NRXN3: variants seen among roughly 807,000 people sequenced by gnomAD.
The protein encoded by NRXN3 is neurexin 3.
Under a neutral mutation model 137.6 loss-of-function variants are expected in NRXN3, and 32 were observed. The ratio of observed to expected loss-of-function variants is 0.23; its 90% confidence interval spans 0.18 to 0.31. The LOEUF (loss-of-function observed/expected upper bound fraction) is 0.31. Ranked by LOEUF, NRXN3 falls within the 10% of genes least tolerant of loss-of-function variation. The pLI is 1.00. For synonymous variants in NRXN3, 798 were observed against 784.5 expected (o/e 1.02, Z -0.29); for missense variants, 1,574 against 2,062.5 (o/e 0.76, Z 4.59).
chr14:79,124,080 A>C (rs1387273509), intron 15 of NRXN3, among the ~76,000 whole-genome samples: 2 of 152,190 alleles, frequency 1.3e-5, no homozygotes, highest in Admixed American at 1.3e-4. Flanking sequence ...ACTTCTGCTC[A>C]CAGCTCTAAT....
chr14:78,837,396 T>C (rs2099000109), intron 10 of NRXN3, among the ~76,000 whole-genome samples: 1 of 152,146 alleles, frequency 6.6e-6, no homozygotes, highest in African/African-American at 2.4e-5. Context: ...GTGGCCACTT[T>C]GGGCCTGGTG....
At chr14:78,794,232 A>C (rs567756546) in intron 8 of NRXN3, among the ~76,000 whole-genome samples, 1 of 152,182 alleles carries the variant, frequency 6.6e-6, no homozygotes, top group East Asian at 1.9e-4. Context: ...AAATACAAAA[A>C]TTAGCCGGGT....
intron 10 of NRXN3, among the ~76,000 whole-genome samples, chr14:78,873,939 G>T (rs2099107395): frequency 6.6e-6 from 1 of 151,568 alleles, no homozygotes; most frequent in Non-Finnish European, 1.5e-5. Flanking sequence ...CTGTAGTCAA[G>T]ATCATAGGCA....
intron 15 of NRXN3, among the ~76,000 whole-genome samples, chr14:79,150,498 T>G (rs1460409634): frequency 6.6e-6 from 1 of 151,678 alleles, no homozygotes; most frequent in Non-Finnish European, 1.5e-5. Context: ...CAAACAGAGA[T>G]CTGCAGAGAA....
At chr14:79,390,011 A>G (rs2094787666) in intron 15 of NRXN3, among the ~76,000 whole-genome samples, 1 of 152,210 alleles carries the variant, frequency 6.6e-6, no homozygotes, top group Non-Finnish European at 1.5e-5. Flanking sequence ...AGATACAGGT[A>G]ATTTAAAAAA....
chr14:78,627,729 G>A (rs2097480775), intron 4 of NRXN3, among the ~76,000 whole-genome samples: 1 of 152,152 alleles, frequency 6.6e-6, no homozygotes, highest in South Asian at 2.1e-4. Context: ...TAATTACTTT[G>A]GGAAAGCATG....
chr14:79,198,514 G>A (rs2065447338), intron 15 of NRXN3, among the ~76,000 whole-genome samples: 1 of 152,192 alleles, frequency 6.6e-6, no homozygotes, highest in African/African-American at 2.4e-5. Flanking sequence ...TCATTAGACA[G>A]CTATGCCACA....
chr14:79,854,232 A>C, intron 20 of NRXN3: 1 of 811,100 alleles, frequency 1.2e-6, no homozygotes, highest in Non-Finnish European at 1.5e-6. Context: ...GTTGACTATA[A>C]ATTAATATGG....
intron 16 of NRXN3, among the ~76,000 whole-genome samples, chr14:79,542,081 G>A (rs1207109557): frequency 6.6e-6 from 1 of 152,210 alleles, no homozygotes; most frequent in Non-Finnish European, 1.5e-5. Flanking sequence ...TTTTGTGGGT[G>A]AAGCAGTGAC....
chr14:78,224,254 C>A (rs939723497), intron 1 of NRXN3, among the ~76,000 whole-genome samples: 11 of 151,542 alleles, frequency 7.3e-5, no homozygotes, highest in Non-Finnish European at 4.4e-5. Flanking sequence ...CATTGTCATA[C>A]CTACATTTAC....
intron 1 of NRXN3, among the ~76,000 whole-genome samples, chr14:78,197,256 A>G (rs2061315457): frequency 6.6e-6 from 1 of 152,226 alleles, no homozygotes; most frequent in African/African-American, 2.4e-5. Context: ...GGAGGCTGTC[A>G]CTGCTTTTAG....
chr14:79,562,976 C>A (rs2097514039), intron 16 of NRXN3, among the ~76,000 whole-genome samples: 1 of 152,074 alleles, frequency 6.6e-6, no homozygotes, highest in Admixed American at 6.6e-5. Context: ...CTATGGTAAT[C>A]CACAATAGAT....
At chr14:79,315,469 C>T (rs943787238) in intron 15 of NRXN3, among the ~76,000 whole-genome samples, 12 of 152,072 alleles carry the variant, frequency 7.9e-5, no homozygotes, top group African/African-American at 2.4e-4. Flanking sequence ...TTTACAGAAA[C>T]GTGGTTTGGT....
At chr14:79,193,057 C>T (rs1012678901) in intron 15 of NRXN3, among the ~76,000 whole-genome samples, 9 of 151,916 alleles carry the variant, frequency 5.9e-5, no homozygotes, top group Non-Finnish European at 1.0e-4. Context: ...GCGTGAGCCA[C>T]CACGCCTGGC....
At chr14:78,685,222 C>T (rs910501802) in intron 6 of NRXN3, among the ~76,000 whole-genome samples, 2 of 152,180 alleles carry the variant, frequency 1.3e-5, no homozygotes, top group African/African-American at 4.8e-5. Flanking sequence ...TTTCTAAATG[C>T]TTTCTCTGTT....
At chr14:79,466,554 C>T (rs1455207703) in intron 15 of NRXN3, among the ~76,000 whole-genome samples, 1 of 152,128 alleles carries the variant, frequency 6.6e-6, no homozygotes, top group Non-Finnish European at 1.5e-5. Flanking sequence ...CGCCACTGCA[C>T]TCCAGCCTGG....
chr14:78,278,777 C>A, intron 3 of NRXN3, 115 bp downstream of exon 3: 1 of 818,156 alleles, frequency 1.2e-6, no homozygotes. Flanking sequence ...ATTGCATTTT[C>A]ACTGATCTAG....
chr14:78,542,764 C>T (rs1300385688), intron 4 of NRXN3, among the ~76,000 whole-genome samples: 1 of 152,214 alleles, frequency 6.6e-6, no homozygotes. Context: ...CACCCATCTT[C>T]TGCATCGATC....
chr14:78,952,191 T>A (rs1418866976), intron 10 of NRXN3, among the ~76,000 whole-genome samples: 1 of 152,140 alleles, frequency 6.6e-6, no homozygotes, highest in Non-Finnish European at 1.5e-5. Flanking sequence ...CTATTTGAGG[T>A]GTTCTGCCAA....
Sources: allele counts gnomAD v4.1 joint callset (sites outside exome capture counted in the v4.1 genomes callset), GRCh38; gene constraint gnomAD v4.1.1; transcripts MANE v1.5; gene names NCBI Gene and HGNC (gene_info 2026-07-23, HGNC 2026-07-21).